RNGTT: variants seen among roughly 807,000 people sequenced by gnomAD.
RNGTT encodes mRNA-capping enzyme.
Under a neutral mutation model 79.3 loss-of-function variants are expected in RNGTT, and 33 were observed. The observed-to-expected ratio is 0.42, with a 90% CI of 0.32 to 0.56. The LOEUF (loss-of-function observed/expected upper bound fraction) is 0.56. RNGTT is among the 20% of genes least tolerant of loss of function. RNGTT has a pLI of 0.17. For synonymous variants in RNGTT, 222 were observed against 235.9 expected (o/e 0.94, Z 0.54); for missense variants, 497 against 739.1 (o/e 0.67, Z 3.80).
intron 13 of RNGTT, among the ~76,000 whole-genome samples, chr6:88,695,930 T>G (rs542151642): frequency 6.6e-6 from 1 of 152,334 alleles, no homozygotes; most frequent in South Asian, 2.1e-4. Flanking sequence ...TGTTCTCACT[T>G]ACATGTGAAA....
intron 12 of RNGTT, among the ~76,000 whole-genome samples, chr6:88,791,687 C>T (rs1003960320): frequency 2.6e-5 from 4 of 151,938 alleles, no homozygotes; most frequent in African/African-American, 7.3e-5. Flanking sequence ...CCACAGGCGC[C>T]CACCACCACA....
chr6:88,796,458 A>G (rs575248556), intron 12 of RNGTT, among the ~76,000 whole-genome samples: 2 of 152,318 alleles, frequency 1.3e-5, no homozygotes, highest in East Asian at 3.9e-4. Flanking sequence ...CAAATCTGAC[A>G]TGGTCTTTTT....
Position 88,716,203 on chromosome 6 carries a change from G to A in RNGTT, c.1440-37784C>T, listed in dbSNP as rs865884891. The stretch of plus-strand genomic sequence containing the variant: ...AAAGAAGACATTTATGCAGCCAAAA[G>A]ACACATGAAAAAATGCTCATCATCA... On this transcript the variant is annotated intron_variant, in intron 13 of 15. Transcript: ENST00000369485. Among the ~76,000 whole-genome samples the A allele has an allele frequency of 4.1e-4, 62 of 152,018 alleles. No homozygotes were observed. In the Middle Eastern group the frequency reaches 0.017, roughly 42 times the overall value.
At chr6:88,829,716 A>C (rs1302947621) in intron 11 of RNGTT, among the ~76,000 whole-genome samples, 1 of 150,924 alleles carries the variant, frequency 6.6e-6, no homozygotes, top group Non-Finnish European at 1.5e-5. Context: ...AAAAAAAAAA[A>C]AAAAAAAACC....
At chr6:88,888,564 G>A (rs1441605264) in intron 8 of RNGTT, among the ~76,000 whole-genome samples, 2 of 152,104 alleles carry the variant, frequency 1.3e-5, no homozygotes, top group African/African-American at 4.8e-5. Context: ...ACTGCTGCAA[G>A]CACACAAGGC....
At chr6:88,755,198 T>A (rs997873667) in intron 13 of RNGTT, among the ~76,000 whole-genome samples, 4 of 152,000 alleles carry the variant, frequency 2.6e-5, no homozygotes, top group Admixed American at 6.5e-5. Context: ...AGGCAAAAAA[T>A]TCAGATTAAA....
At chr6:88,639,582 T>C (rs1326532291) in intron 14 of RNGTT, among the ~76,000 whole-genome samples, 1 of 152,194 alleles carries the variant, frequency 6.6e-6, no homozygotes, top group Non-Finnish European at 1.5e-5. Context: ...CATACTTCCC[T>C]TATAGTTCTT....
At chr6:88,889,584 ATTTTATTATGAAATAGTTAAT>A (rs149223894) in intron 8 of RNGTT, among the ~76,000 whole-genome samples, 2,857 of 152,316 alleles carry the variant, frequency 0.019, 80 homozygotes, top group African/African-American at 0.065. Flanking sequence ...ATTCCAAAAC[ATTTTATTATGAAATAGTTAAT>A]GACTTCTATG....
chr6:88,798,981 T>G (rs774314059), intron 12 of RNGTT, among the ~76,000 whole-genome samples: 29 of 152,108 alleles, frequency 1.9e-4, no homozygotes, highest in Admixed American at 1.0e-3. Context: ...TGATGAGAAC[T>G]AACAGAATTC....
At position 88,724,559 on chromosome 6, in the gene RNGTT, C is replaced by T. The variant is rs184366645; in HGVS notation, c.1439+45215G>A. ...TCATGGAAGAAAATTTTTCCACAGA[C>T]AGGGGAAGGGGGAGATGGTTTCTGG... On this transcript the variant is annotated intron_variant, in intron 13 of 15. Coordinates refer to ENST00000369485, the MANE Select transcript of RNGTT (RefSeq NM_003800.5). 1.4e-4 allele frequency among the ~76,000 whole-genome samples: 22 copies of T among 152,182 alleles called. No homozygotes were observed. The East Asian group carries it at 3.5e-3, about 24-fold the overall frequency.
At chr6:88,942,186 TA>T (rs1447818865) in intron 1 of RNGTT, among the ~76,000 whole-genome samples, 2 of 152,114 alleles carry the variant, frequency 1.3e-5, no homozygotes, top group African/African-American at 4.8e-5. Flanking sequence ...TATCTCAGGA[TA>T]AAGACCATGC....
chr6:88,638,474 AT>A (rs890060594), intron 14 of RNGTT, among the ~76,000 whole-genome samples: 1 of 152,150 alleles, frequency 6.6e-6, no homozygotes, highest in Non-Finnish European at 1.5e-5. Flanking sequence ...TAAGAAATCC[AT>A]TAATTAGCTT....
At chr6:88,622,883 T>G (rs115550060) in intron 14 of RNGTT, among the ~76,000 whole-genome samples, 2,895 of 152,182 alleles carry the variant, frequency 0.019, 86 homozygotes, top group African/African-American at 0.064. Context: ...CAGTCTCTGA[T>G]CTTTGGAATG....
At position 88,611,123 on chromosome 6, in the gene RNGTT, C is replaced by T. The variant is rs1772007850; in HGVS notation, c.*1596G>A. 6.6e-6 allele frequency: 1 copy of T among 152,216 alleles called. No individual in the cohort carries two copies. The highest frequency in any genetic ancestry group is 2.1e-4 in the South Asian group (1 of 4,834). 9.4% of individuals were successfully genotyped at this position (152,216 alleles called of 1,614,324 possible). A position where few individuals can be genotyped will look rare whatever the true frequency, so the allele number is the denominator to read the frequency against. On this transcript the variant is annotated 3_prime_UTR_variant, in exon 16 of 16. Coordinates refer to ENST00000369485, the MANE Select transcript of RNGTT (RefSeq NM_003800.5). ...GATAAATTCACTATACATTACATGA[C>T]TTGGGAACAACGAAGAAAAAAGCCC...
chr6:88,661,164 A>G (rs1053877150), intron 14 of RNGTT, among the ~76,000 whole-genome samples: 1 of 152,164 alleles, frequency 6.6e-6, no homozygotes, highest in African/African-American at 2.4e-5. Flanking sequence ...GATACAGCAA[A>G]AGCGGTACTA....
intron 1 of RNGTT, among the ~76,000 whole-genome samples, chr6:88,948,959 G>C (rs1785131665): frequency 1.1e-5 from 1 of 94,500 alleles, no homozygotes; most frequent in Non-Finnish European, 2.1e-5. Context: ...CAAGTAATCA[G>C]GGACACAAAC....
At position 88,689,224 on chromosome 6, in the gene RNGTT, T is replaced by C. The variant is rs1302388379; in HGVS notation, c.1440-10805A>G. Among the ~76,000 whole-genome samples the C allele has an allele frequency of 2.0e-5, 3 of 152,212 alleles. No individual in the cohort carries two copies. In the East Asian group the frequency reaches 5.8e-4, roughly 29 times the overall value. On this transcript the variant is annotated intron_variant, in intron 13 of 15. Transcript: ENST00000369485. ...TGGGAGGCCAAGGCAGGAGGACTGC[T>C]TGAGGCCAGGAGTTCAAGACCAGCC...
intron 8 of RNGTT, among the ~76,000 whole-genome samples, chr6:88,869,229 G>C (rs1467710721): frequency 6.6e-6 from 1 of 152,118 alleles, no homozygotes; most frequent in African/African-American, 2.4e-5. Flanking sequence ...CATAAAATTA[G>C]ATCAAGTTAG....
intron 8 of RNGTT, among the ~76,000 whole-genome samples, chr6:88,864,784 T>C (rs145137252): frequency 2.0e-5 from 3 of 152,268 alleles, no homozygotes; most frequent in Non-Finnish European, 4.4e-5. Context: ...AATTGTGATA[T>C]ATGCTACAGC....
Sources: allele counts gnomAD v4.1 joint callset (sites outside exome capture counted in the v4.1 genomes callset), GRCh38; gene constraint gnomAD v4.1.1; transcripts MANE v1.5; gene names NCBI Gene and HGNC (gene_info 2026-07-23, HGNC 2026-07-21).